NSD1: variants seen among roughly 807,000 people sequenced by gnomAD.
The protein encoded by NSD1 is histone-lysine N-methyltransferase, H3 lysine-36 specific.
Under a neutral mutation model 242.7 loss-of-function variants are expected in NSD1, and 26 were observed. The ratio of observed to expected loss-of-function variants is 0.11; its 90% CI spans 0.08 to 0.15. NSD1 has a LOEUF of 0.15. Ranked by LOEUF, NSD1 falls within the 10% of genes least tolerant of loss-of-function variation. The pLI is 1.00. For synonymous variants in NSD1, 1,106 were observed against 1,178.1 expected (o/e 0.94, Z 1.25); for missense variants, 2,495 against 3,272.8 (o/e 0.76, Z 5.80).
chr5:177,266,424 G>A (rs1757471069), intron 14 of NSD1: 1 of 628,404 alleles, frequency 1.6e-6, no homozygotes, highest in Non-Finnish European at 3.0e-6. Context: ...GCACCACCTT[G>A]TCTTTAAAGA....
At chr5:177,274,697 T>TTGTGTGTG (rs138385964) in intron 17 of NSD1, among the ~76,000 whole-genome samples, 6,327 of 145,362 alleles carry the variant, frequency 0.044, 209 homozygotes, top group Middle Eastern at 0.1. Context: ...CACTTATCCT[T>TTGTGTGTG]TGTGTGTGTG....
At chr5:177,261,787 T>C (rs1757018690) in intron 14 of NSD1, among the ~76,000 whole-genome samples, 1 of 152,250 alleles carries the variant, frequency 6.6e-6, no homozygotes, top group Non-Finnish European at 1.5e-5. Flanking sequence ...TCTTCAGTTT[T>C]CTCATTTATT....
chr5:177,215,941 G>T (rs1284258483), intron 5 of NSD1, among the ~76,000 whole-genome samples: 1 of 151,886 alleles, frequency 6.6e-6, no homozygotes, highest in Non-Finnish European at 1.5e-5. Flanking sequence ...GCTCACTGCA[G>T]CCTCAAACTC....
At chr5:177,228,265 C>CTTTTTTT (rs750070622) in intron 5 of NSD1, among the ~76,000 whole-genome samples, 1 of 138,344 alleles carries the variant, frequency 7.2e-6, no homozygotes. Context: ...TTTTTCTTTT[C>CTTTTTTT]TTTTTTTTTT....
chr5:177,154,090 C>T (rs1420958409), intron 2 of NSD1, among the ~76,000 whole-genome samples: 1 of 152,114 alleles, frequency 6.6e-6, no homozygotes, highest in Non-Finnish European at 1.5e-5. Context: ...TCCAAGACGG[C>T]TCACTCATAT....
Position 177,135,275 on chromosome 5 carries a change from CA to C in NSD1, c.176del (p.Asn59MetfsTer23). 1.9e-6 allele frequency: 3 copies of C among 1,613,704 alleles called. No homozygotes were observed. The highest frequency in any genetic ancestry group is 2.5e-6 in the Non-Finnish European group (3 of 1,179,646). On this transcript the variant is annotated frameshift_variant, in exon 2 of 23. Coordinates refer to ENST00000439151, the MANE Select transcript of NSD1 (RefSeq NM_022455.5). LOFTEE classifies it high-confidence loss of function. ...GTTATCGACTGTCAGTGGAACATCCCAAAATGCTTATGGACAAGATTCTCCA... is the reference window on the plus strand; with the variant it reads ...GTTATCGACTGTCAGTGGAACATCCCAAATGCTTATGGACAAGATTCTCCA... ...MQLSTVSGTS[Q>X]NAYGQDSPSC...
At chr5:177,283,722 G>C in intron 19 of NSD1, 65 bp from the exon 20 acceptor site, 1 of 1,567,044 alleles carries the variant, frequency 6.4e-7, no homozygotes, top group Non-Finnish European at 8.8e-7. Flanking sequence ...AGAGAGAATA[G>C]TCAAATTTTA....
chr5:177,245,891 C>A (rs1220068127), intron 9 of NSD1, among the ~76,000 whole-genome samples: 1 of 152,090 alleles, frequency 6.6e-6, no homozygotes, highest in Non-Finnish European at 1.5e-5. Context: ...TCCACCTTGG[C>A]CTCCCAAAGT....
chr5:177,194,692 G>GTT (rs1388441171), intron 3 of NSD1, among the ~76,000 whole-genome samples: 3 of 83,222 alleles, frequency 3.6e-5, no homozygotes, highest in African/African-American at 1.2e-4. Flanking sequence ...AAATTTTAGT[G>GTT]TCTTTTTTTT....
intron 2 of NSD1, among the ~76,000 whole-genome samples, chr5:177,182,572 A>G (rs142711590): frequency 9.2e-5 from 14 of 151,844 alleles, no homozygotes; most frequent in Admixed American, 2.6e-4. Flanking sequence ...AGCACCCCCA[A>G]CTAAGTCTGG....
In NSD1 at chr5:177,271,317, TG is replaced by T. The variant is rs1757926345; in HGVS notation, c.5509+1511del. Reference sequence around the variant, plus strand: ...ATGATTACTAAGTGACTTTGAGGAATGAATCATAATAATAATAGTTAGCATT... The same window carrying T: ...ATGATTACTAAGTGACTTTGAGGAATAATCATAATAATAATAGTTAGCATT... On this transcript the variant is annotated intron_variant, in intron 16 of 22. Coordinates refer to ENST00000439151, the MANE Select transcript of NSD1 (RefSeq NM_022455.5). Among the ~76,000 whole-genome samples the T allele has an allele frequency of 2.0e-5, 3 of 152,200 alleles. No individual in the cohort carries two copies. The South Asian group carries it at 6.2e-4, about 31-fold the overall frequency.
At chr5:177,223,336 G>A (rs1473765637) in intron 5 of NSD1, among the ~76,000 whole-genome samples, 1 of 152,110 alleles carries the variant, frequency 6.6e-6, no homozygotes, top group Non-Finnish European at 1.5e-5. Context: ...CTTTTGGGAG[G>A]CTGATGCGGG....
intron 2 of NSD1, 47 bp from the exon 3 acceptor site, chr5:177,191,837 A>G (rs1462005670): frequency 6.2e-7 from 1 of 1,606,996 alleles, no homozygotes; most frequent in African/African-American, 1.3e-5. Flanking sequence ...ATAATGTTTC[A>G]AAATATTTTG....
chr5:177,206,891 G>T (rs1289205567), intron 4 of NSD1, among the ~76,000 whole-genome samples: 2 of 150,138 alleles, frequency 1.3e-5, no homozygotes, highest in African/African-American at 4.9e-5. Flanking sequence ...CAGATTGTCC[G>T]TTTGATCCTT....
At chr5:177,169,993 G>A (rs542288927) in intron 2 of NSD1, among the ~76,000 whole-genome samples, 10 of 152,070 alleles carry the variant, frequency 6.6e-5, no homozygotes, top group Non-Finnish European at 1.0e-4. Context: ...TTTTTGAGAC[G>A]GGGTCTTGCT....
At chr5:177,148,753 A>G (rs1174422931) in intron 2 of NSD1, among the ~76,000 whole-genome samples, 3 of 152,250 alleles carry the variant, frequency 2.0e-5, no homozygotes, top group African/African-American at 7.2e-5. Flanking sequence ...AGAAACTACC[A>G]AGCTGTTTTC....
chr5:177,135,416 T>A lies in NSD1; in HGVS notation c.313T>A (p.Ser105Thr). 1.9e-6 allele frequency: 3 copies of A among 1,613,730 alleles called. No homozygotes were observed. Among genetic ancestry groups the A allele is most frequent in the Non-Finnish European group, 2.5e-6 (3 of 1,179,854 alleles). Residue 105 changes from serine to threonine, a missense_variant, in exon 2 of 23, where the codon TCA becomes ACA. Physicochemically the swap from Ser to Thr is moderately conservative, Grantham distance 58. Around this residue, in one of 19 missense-constraint regions of NSD1, gnomAD observed 376 missense variants for 367.4 expected, o/e 1.02. Coordinates refer to ENST00000439151, the MANE Select transcript of NSD1 (RefSeq NM_022455.5). ...ESFQDPEKSD[S>T]RAQTPIVCTS... ...CTTTCAAGACCCTGAAAAAAGTGAT[T>A]CAAGAGCTCAGACGCCAATTGTTTG...
At chr5:177,142,177 C>G (rs373508636) in intron 2 of NSD1, among the ~76,000 whole-genome samples, 1 of 152,178 alleles carries the variant, frequency 6.6e-6, no homozygotes, top group African/African-American at 2.4e-5. Context: ...GCCAAACACG[C>G]ATTTACTTCT....
chr5:177,199,584 C>T (rs918425654), intron 3 of NSD1, among the ~76,000 whole-genome samples: 3 of 142,456 alleles, frequency 2.1e-5, no homozygotes, highest in Admixed American at 1.4e-4. Context: ...TTAATATTTT[C>T]TTTTCTTTTC....
Sources: gnomAD v4.1 joint callset for allele counts (sites outside exome capture counted in the v4.1 genomes callset) on GRCh38, gnomAD v4.1.1 for gene constraint, gnomAD v4.1.1 regional missense constraint, MANE v1.5 for transcripts, NCBI Gene and HGNC (gene_info 2026-07-23, HGNC 2026-07-21) for gene names.